The following SMG6 variants were observed in gnomAD, a reference collection of about 807,000 sequenced individuals.
SMG6 encodes the protein telomerase-binding protein EST1A.
In SMG6, 66 loss-of-function variants were observed where a neutral mutation model predicts 142.2. The observed-to-expected ratio is 0.46, with a 90% CI of 0.38 to 0.57. The LOEUF (loss-of-function observed/expected upper bound fraction) is 0.57. SMG6 is among the 20% of genes least tolerant of loss of function. The probability of loss-of-function intolerance (pLI) is 0.00; values close to 1 mark genes in which losing one functional copy is unlikely to be tolerated. For synonymous variants in SMG6, 779 were observed against 702.4 expected, an observed-to-expected ratio of 1.11 and a Z score of -1.72; for missense variants, 1,793 against 1,832.0, an observed-to-expected ratio of 0.98 and a Z score of 0.39.
At chr17:2,253,776 T>C (rs1753336264) in intron 8 of SMG6, among the ~76,000 whole-genome samples, 1 of 152,218 alleles carries the variant, frequency 6.6e-6, no homozygotes, top group Non-Finnish European at 1.5e-5. Flanking sequence ...CATCCCATTC[T>C]ATGATAGCAC....
intron 8 of SMG6, among the ~76,000 whole-genome samples, chr17:2,264,230 A>G (rs1032270391): frequency 6.6e-6 from 1 of 152,208 alleles, no homozygotes; most frequent in Non-Finnish European, 1.5e-5. Flanking sequence ...CGTACATTCC[A>G]GTTGGCTGGA....
chr17:2,061,633 G>C lies in SMG6; in HGVS notation c.4130-11C>G. 2 of 1,566,830 alleles carry C rather than the reference G, an allele frequency of 1.3e-6. No individual in the cohort carries two copies. Among genetic ancestry groups the C allele is most frequent in the Non-Finnish European group, 1.7e-6 (2 of 1,155,796 alleles). The stretch of plus-strand genomic sequence containing the variant: ...GCCGGATTGGCTCCTCTGTGGGCAT[G>C]AGAGAGCAGAAGGCTGTCACTGAGG... On this transcript the variant is annotated splice_polypyrimidine_tract_variant and intron_variant, in intron 18 of 18. Transcript: ENST00000263073.
At chr17:2,289,568 T>C (rs1036599217) in intron 6 of SMG6, among the ~76,000 whole-genome samples, 3 of 152,042 alleles carry the variant, frequency 2.0e-5, no homozygotes, top group Admixed American at 2.0e-4. Context: ...TAAATATATA[T>C]ACACACATAT....
chr17:2,286,307 C>CAAAAAAAAAAAA (rs74656326), intron 6 of SMG6, among the ~76,000 whole-genome samples: 2 of 89,316 alleles, frequency 2.2e-5, no homozygotes, highest in African/African-American at 4.0e-5. Flanking sequence ...CTCAAATGGC[C>CAAAAAAAAAAAA]AAAAAAAAAA....
At chr17:2,096,189 A>C (rs2068850139) in intron 13 of SMG6, among the ~76,000 whole-genome samples, 1 of 151,942 alleles carries the variant, frequency 6.6e-6, no homozygotes, top group African/African-American at 2.4e-5. Context: ...CCACAGAGGC[A>C]CACCACTTAT....
At chr17:2,080,640 CT>C (rs796298262) in intron 15 of SMG6, among the ~76,000 whole-genome samples, 272 of 144,022 alleles carry the variant, frequency 1.9e-3, no homozygotes, top group Admixed American at 2.2e-3. Context: ...TTTCTTTTTT[CT>C]TTTTTTTTTT....
chr17:2,108,536 CAGA>C lies in SMG6; in HGVS notation c.3358-22638_3358-22636del, dbSNP rs565875717. 3.3e-3 allele frequency among the ~76,000 whole-genome samples: 508 copies of C among 152,282 alleles called. 6 individuals are homozygous for C. Among genetic ancestry groups the C allele is most frequent in the African/African-American group, 9.9e-3 (410 of 41,546 alleles). ...GTCCCAGCTACCCAGGAGGCTGAGG[CAGA>C]AGAATTGCTTGAATCTGGGAGGCAG... On this transcript the variant is annotated intron_variant, in intron 13 of 18. Coordinates refer to ENST00000263073, the MANE Select transcript of SMG6 (RefSeq NM_017575.5).
chr17:2,255,328 C>T (rs1263383398), intron 8 of SMG6, among the ~76,000 whole-genome samples: 39 of 135,838 alleles, frequency 2.9e-4, no homozygotes, highest in African/African-American at 9.6e-4. Context: ...GGCGTGAACC[C>T]GGGAGGCGGA....
chr17:2,295,566 T>C (rs557293264), intron 4 of SMG6, among the ~76,000 whole-genome samples: 2 of 152,174 alleles, frequency 1.3e-5, no homozygotes, highest in African/African-American at 2.4e-5. Flanking sequence ...CAACGGACAC[T>C]TTTTAGTAAT....
intron 8 of SMG6, among the ~76,000 whole-genome samples, chr17:2,273,464 G>A (rs1028734375): frequency 6.6e-6 from 1 of 152,112 alleles, no homozygotes; most frequent in Non-Finnish European, 1.5e-5. Flanking sequence ...ATTGAGGCCA[G>A]CCTGGCCAAA....
intron 13 of SMG6, among the ~76,000 whole-genome samples, chr17:2,112,495 A>G (rs931891925): frequency 3.3e-5 from 5 of 149,942 alleles, no homozygotes; most frequent in African/African-American, 1.2e-4. Flanking sequence ...GTGACTGAGC[A>G]AGACTCTGTC....
chr17:2,156,039 T>A (rs1220541967), intron 13 of SMG6, among the ~76,000 whole-genome samples: 2 of 112,770 alleles, frequency 1.8e-5, no homozygotes, highest in East Asian at 2.2e-4. Flanking sequence ...TTTCTTTACC[T>A]TTTTTTTTTT....
chr17:2,293,285 C>G (rs1318202241), intron 4 of SMG6, among the ~76,000 whole-genome samples: 1 of 152,168 alleles, frequency 6.6e-6, no homozygotes. Flanking sequence ...GTCAGGAGAT[C>G]TGACTCTACG....
chr17:2,217,686 T>G (rs1242457428), intron 10 of SMG6, among the ~76,000 whole-genome samples: 1 of 152,060 alleles, frequency 6.6e-6, no homozygotes, highest in African/African-American at 2.4e-5. Flanking sequence ...TCAGCCACCT[T>G]CCACAGTACT....
intron 6 of SMG6, among the ~76,000 whole-genome samples, chr17:2,286,922 AATTTT>A (rs2074918168): frequency 7.2e-6 from 1 of 138,794 alleles, no homozygotes. Flanking sequence ...AACATAAAAT[AATTTT>A]TTTTTTTTTT....
At chr17:2,220,494 G>C (rs188331390) in intron 10 of SMG6, among the ~76,000 whole-genome samples, 12 of 152,294 alleles carry the variant, frequency 7.9e-5, no homozygotes, top group African/African-American at 2.6e-4. Context: ...GCTGAGCGTA[G>C]TGGCATGCGC....
chr17:2,219,482 C>T (rs1303775175), intron 10 of SMG6, among the ~76,000 whole-genome samples: 1 of 151,864 alleles, frequency 6.6e-6, no homozygotes, highest in East Asian at 2.0e-4. Flanking sequence ...TAAGCTGATA[C>T]ACCTTCTTCA....
intron 8 of SMG6, among the ~76,000 whole-genome samples, chr17:2,281,942 A>G (rs1343850251): frequency 6.6e-6 from 1 of 152,026 alleles, no homozygotes; most frequent in Non-Finnish European, 1.5e-5. Flanking sequence ...TGTTCTTTAT[A>G]CTTCAATTGA....
At chr17:2,186,556 C>T in intron 12 of SMG6, 107 bp downstream of exon 12, 2 of 1,268,506 alleles carry the variant, frequency 1.6e-6, no homozygotes, top group South Asian at 1.4e-5. Flanking sequence ...AATAGAGAGG[C>T]AGGCAGGCTG....
Sources: allele counts gnomAD v4.1 joint callset (sites outside exome capture counted in the v4.1 genomes callset), GRCh38; gene constraint gnomAD v4.1.1; transcripts MANE v1.5; gene names NCBI Gene and HGNC (gene_info 2026-07-23, HGNC 2026-07-21).